Variants in NFIA observed in about 807,000 individuals in gnomAD.
NFIA encodes nuclear factor I A.
A neutral mutation model predicts 62.8 loss-of-function variants in NFIA; 8 were observed. The observed-to-expected ratio is 0.13, with a 90% CI of 0.07 to 0.23. The LOEUF (loss-of-function observed/expected upper bound fraction) is 0.23. Ranked by LOEUF, NFIA falls within the 10% of genes least tolerant of loss-of-function variation. The probability of loss-of-function intolerance (pLI) is 1.00; values close to 1 mark genes in which losing one functional copy is unlikely to be tolerated. For synonymous variants in NFIA, 235 were observed against 238.1 expected (o/e 0.99, Z 0.12); for missense variants, 410 against 642.1 (o/e 0.64, Z 3.91).
At chr1:61,341,117 G>A (rs1303272780) in intron 4 of NFIA, among the ~76,000 whole-genome samples, 1 of 142,390 alleles carries the variant, frequency 7.0e-6, no homozygotes, top group African/African-American at 2.6e-5. Context: ...AGGCTGGAGT[G>A]CAGTGGCGTG....
chr1:61,190,785 A>T (rs2100574669), intron 2 of NFIA, among the ~76,000 whole-genome samples: 1 of 152,336 alleles, frequency 6.6e-6, no homozygotes, highest in Non-Finnish European at 1.5e-5. Flanking sequence ...CCTGGTACTT[A>T]AAATCTTAGT....
At chr1:61,098,184 A>G (rs1312953416) in intron 2 of NFIA, among the ~76,000 whole-genome samples, 5 of 152,240 alleles carry the variant, frequency 3.3e-5, no homozygotes, top group Non-Finnish European at 7.3e-5. Context: ...AATATCTTTT[A>G]TGCTGAATGT....
At chr1:61,175,146 TA>T (rs1327841259) in intron 2 of NFIA, among the ~76,000 whole-genome samples, 1 of 151,738 alleles carries the variant, frequency 6.6e-6, no homozygotes, top group African/African-American at 2.4e-5. Flanking sequence ...TTATTATTAT[TA>T]TTATTATTTT....
chr1:61,409,232 A>G (rs1665987073), intron 9 of NFIA, among the ~76,000 whole-genome samples: 1 of 152,166 alleles, frequency 6.6e-6, no homozygotes, highest in South Asian at 2.1e-4. Flanking sequence ...TTACTTTTTG[A>G]ATCATGGGAT....
intron 2 of NFIA, among the ~76,000 whole-genome samples, chr1:61,185,238 A>G (rs945257502): frequency 1.3e-5 from 2 of 152,234 alleles, no homozygotes; most frequent in African/African-American, 4.8e-5. Flanking sequence ...CCACATATGT[A>G]TAATGAAGAC....
intron 2 of NFIA, among the ~76,000 whole-genome samples, chr1:61,166,148 CT>C (rs1346164118): frequency 6.6e-6 from 1 of 152,030 alleles, no homozygotes; most frequent in African/African-American, 2.4e-5. Flanking sequence ...TAATAGGGGA[CT>C]CTTAGAGACA....
chr1:61,083,696 C>T (rs1646162979), intron 1 of NFIA, among the ~76,000 whole-genome samples: 1 of 151,470 alleles, frequency 6.6e-6, no homozygotes, highest in Non-Finnish European at 1.5e-5. Context: ...CGGGTAGCGC[C>T]GGGCAGAGTT....
intron 2 of NFIA, among the ~76,000 whole-genome samples, chr1:61,247,121 C>T (rs1487827036): frequency 6.6e-6 from 1 of 152,092 alleles, no homozygotes; most frequent in Non-Finnish European, 1.5e-5. Flanking sequence ...GGCTTTTGGG[C>T]ACTGGGAAGA....
intron 2 of NFIA, among the ~76,000 whole-genome samples, chr1:61,191,153 A>C (rs779029170): frequency 7.9e-5 from 12 of 152,012 alleles, no homozygotes; most frequent in Non-Finnish European, 1.6e-4. Flanking sequence ...TTACTGGGTA[A>C]CTCCAGAAAG....
intron 5 of NFIA, among the ~76,000 whole-genome samples, chr1:61,352,981 A>G (rs1180898389): frequency 1.3e-5 from 2 of 152,172 alleles, no homozygotes; most frequent in Non-Finnish European, 2.9e-5. Context: ...GATGATGAAC[A>G]TAACATGTTC....
chr1:61,170,552 G>A (rs1188790155), intron 2 of NFIA, among the ~76,000 whole-genome samples: 1 of 152,136 alleles, frequency 6.6e-6, no homozygotes, highest in Non-Finnish European at 1.5e-5. Context: ...TAGGATTTCT[G>A]GATGCTTAGG....
intron 5 of NFIA, among the ~76,000 whole-genome samples, chr1:61,356,432 A>G (rs1187676579): frequency 2.6e-5 from 4 of 152,238 alleles, no homozygotes; most frequent in Non-Finnish European, 5.9e-5. Flanking sequence ...GTGGAAAAAA[A>G]TTGTTATAGC....
rs1256634340 is a variant in NFIA, at chr1:61,459,589, TC to T, written c.*4272del. 1 of 152,212 alleles carries T rather than the reference TC, an allele frequency of 6.6e-6. No individual in the cohort carries two copies. Among genetic ancestry groups the T allele is most frequent in the Non-Finnish European group, 1.5e-5 (1 of 68,112 alleles). The allele number at this position is 152,212 out of a possible 1,614,324, so 9.4% of individuals were successfully genotyped here. On this transcript the variant is annotated 3_prime_UTR_variant, in exon 11 of 11. Coordinates refer to ENST00000403491, the MANE Select transcript of NFIA (RefSeq NM_001134673.4). The stretch of plus-strand genomic sequence containing the variant: ...CTAGGCAGGCCGACAAGGTTACACC[TC>T]CCAGAGCTTGTGATCTTCATTTTCT...
chr1:61,077,353 A>C, upstream of NFIA: 2 of 357,100 alleles, frequency 5.6e-6, no homozygotes, highest in South Asian at 2.4e-4. Flanking sequence ...TTCAAAAGAG[A>C]GAGTGAGAGC....
chr1:61,397,783 T>C (rs575887405), intron 7 of NFIA, among the ~76,000 whole-genome samples: 2 of 152,314 alleles, frequency 1.3e-5, no homozygotes, highest in East Asian at 1.9e-4. Context: ...CCCTGGTCCT[T>C]ATATTATACT....
intron 10 of NFIA, among the ~76,000 whole-genome samples, chr1:61,452,082 CAA>C (rs1668082038): frequency 6.6e-6 from 1 of 152,088 alleles, no homozygotes. Context: ...GAAAATATCA[CAA>C]GAGAAAAGTA....
At position 61,283,593 on chromosome 1, in the gene NFIA, A is replaced by AAAAAAAAAAG. The variant is rs1557681352; in HGVS notation, c.625+6017_625+6018insGAAAAAAAAA. Among the ~76,000 whole-genome samples, 1,104 of 136,540 alleles carry AAAAAAAAAAG rather than the reference A, an allele frequency of 8.1e-3. 55 individuals carry two copies. The highest frequency in any genetic ancestry group is 0.029 in the African/African-American group (1,057 of 35,930). 89.6% of individuals were successfully genotyped at this position (136,540 alleles called of 152,430 possible). A position where few individuals can be genotyped will look rare whatever the true frequency, so the allele number is the denominator to read the frequency against. ...CGAGACTCTGTCTCAAAAAAAAAAA[A>AAAAAAAAAAG]AAAAAAAAAAAAAAAGATTTATGTG... On this transcript the variant is annotated intron_variant, in intron 3 of 10. Coordinates refer to ENST00000403491, the MANE Select transcript of NFIA (RefSeq NM_001134673.4).
At chr1:61,201,605 A>G (rs1285021120) in intron 2 of NFIA, among the ~76,000 whole-genome samples, 1 of 152,030 alleles carries the variant, frequency 6.6e-6, no homozygotes, top group Admixed American at 6.6e-5. Context: ...ATGTAACATC[A>G]GTTGTGGAGA....
At chr1:61,158,577 C>T (rs1384155805) in intron 2 of NFIA, among the ~76,000 whole-genome samples, 2 of 152,174 alleles carry the variant, frequency 1.3e-5, no homozygotes, top group East Asian at 3.9e-4. Flanking sequence ...AGTGCACTGT[C>T]TCAGTATTCT....
Sources: allele counts gnomAD v4.1 joint callset (sites outside exome capture counted in the v4.1 genomes callset), GRCh38; gene constraint gnomAD v4.1.1; transcripts MANE v1.5; gene names NCBI Gene and HGNC (gene_info 2026-07-23, HGNC 2026-07-21).